Variants in TGM6 observed in about 807,000 individuals in gnomAD.
TGM6 encodes transglutaminase 6.
TGM6 carries 74 observed loss-of-function variants against 77.5 expected under a neutral mutation model. The observed-to-expected ratio is 0.96, with a 90% CI of 0.79 to 1.16. The LOEUF (loss-of-function observed/expected upper bound fraction) is 1.16. Ranked by LOEUF, TGM6 falls within the 50% of genes most tolerant of loss-of-function variation. The pLI, the probability that TGM6 is intolerant of heterozygous loss-of-function variation, is 0.00. For missense variants in TGM6, 968 were observed against 940.2 expected, an observed-to-expected ratio of 1.03 and a Z score of -0.39; for synonymous variants, 383 against 378.9, an observed-to-expected ratio of 1.01 and a Z score of -0.12.
chr20:2,403,706 G>T lies in TGM6; in HGVS notation c.1219G>T (p.Asp407Tyr). ...ADYITWLWHE[D>Y]ESRERVYSNT... ...CTACATCACCTGGCTGTGGCACGAG[G>T]ATGAGAGCCGGGAGCGTGTATACTC... The change falls in exon 9 of 13, where the codon GAT becomes TAT. Residue 407 changes from aspartate (D) to tyrosine (Y), a missense_variant. Asp to Tyr is a radical substitution (Grantham distance 160, BLOSUM62 -3). Transcript: ENST00000202625. The T allele has an allele frequency of 6.2e-7, 1 of 1,614,214 alleles. No individual in the cohort carries two copies. The highest frequency in any genetic ancestry group is 8.5e-7 in the Non-Finnish European group (1 of 1,180,044).
At chr20:2,414,926 A>C in intron 9 of TGM6, among the ~76,000 whole-genome samples, 1 of 108,870 alleles carries the variant, frequency 9.2e-6, no homozygotes, top group African/African-American at 4.3e-5. Flanking sequence ...CCTGATGGTT[A>C]CAGAATTTGG....
intron 9 of TGM6, among the ~76,000 whole-genome samples, chr20:2,414,846 A>G (rs1259960394): frequency 6.9e-6 from 1 of 145,104 alleles, no homozygotes; most frequent in Non-Finnish European, 1.5e-5. Context: ...TGTCCAGGAT[A>G]GGCAAATTAT....
chr20:2,392,000 T>C (rs543214841), intron 1 of TGM6, among the ~76,000 whole-genome samples: 3 of 152,362 alleles, frequency 2.0e-5, no homozygotes, highest in South Asian at 4.1e-4. Context: ...CTGTTGCTTA[T>C]AGTACTCTGG....
intron 9 of TGM6, among the ~76,000 whole-genome samples, chr20:2,415,002 C>T (rs1225122318): frequency 6.6e-6 from 1 of 151,086 alleles, no homozygotes; most frequent in African/African-American, 2.4e-5. Flanking sequence ...CTGTGAACTA[C>T]TAAGAAACAT....
chr20:2,385,950 A>G lies in TGM6; in HGVS notation c.7+4975A>G, dbSNP rs73606139. 3.9e-5 allele frequency among the ~76,000 whole-genome samples: 6 copies of G among 152,300 alleles called. No individual in the cohort carries two copies. In the East Asian group the frequency reaches 1.2e-3, roughly 29 times the overall value. ...AGGGAGAGACGTATGTAAGCAAACA[A>G]CTATAACACAGCATCCCTGATCACA... On this transcript the variant is annotated intron_variant, in intron 1 of 12. Coordinates refer to ENST00000202625, the MANE Select transcript of TGM6 (RefSeq NM_198994.3).
chr20:2,403,259 T>A (rs113456256), intron 7 of TGM6, 138 bp from the exon 8 acceptor site: 1 of 817,156 alleles, frequency 1.2e-6, no homozygotes, highest in East Asian at 2.7e-5. Context: ...TGCTCATTCA[T>A]GTGGTTGAAT....
In TGM6 at chr20:2,394,888, T is replaced by C. The variant is rs148600606; in HGVS notation, c.181+263T>C. On this transcript the variant is annotated intron_variant, in intron 2 of 12. Transcript: ENST00000202625. ...AGACACCCAGGGCTCTGGAAGGGTA[T>C]GAAAACCCGTCAAGCACTTTGAAGC... Among the ~76,000 whole-genome samples the C allele has an allele frequency of 2.7e-3, 415 of 152,274 alleles. 2 individuals are homozygous for C. Among genetic ancestry groups the C allele is most frequent in the African/African-American group, 9.5e-3 (393 of 41,570 alleles).
intron 1 of TGM6, among the ~76,000 whole-genome samples, chr20:2,384,809 C>T (rs1250568852): frequency 1.3e-5 from 2 of 152,172 alleles, no homozygotes; most frequent in African/African-American, 4.8e-5. Flanking sequence ...CTTGGGGTAA[C>T]AGGCAGGTGG....
chr20:2,419,664 T>G (rs1208368322), intron 10 of TGM6, among the ~76,000 whole-genome samples: 2 of 152,256 alleles, frequency 1.3e-5, no homozygotes, highest in Non-Finnish European at 2.9e-5. Flanking sequence ...AAATAGTCAT[T>G]AATGCCCTGC....
At chr20:2,392,568 G>A (rs1045723316) in intron 1 of TGM6, among the ~76,000 whole-genome samples, 10 of 152,112 alleles carry the variant, frequency 6.6e-5, no homozygotes, top group Non-Finnish European at 1.5e-4. Context: ...TCACAATCAC[G>A]CCACAGGCAT....
chr20:2,431,134 C>T, intron 12 of TGM6, 107 bp downstream of exon 12: 2 of 1,437,470 alleles, frequency 1.4e-6, no homozygotes, highest in African/African-American at 2.8e-5. Context: ...CTGGACACCC[C>T]AGGAACCAGC....
In TGM6 at chr20:2,394,455, T is replaced by A. The variant is rs1203468022; in HGVS notation, c.11T>A (p.Ile4Asn). Residue 4 changes from isoleucine to asparagine, a missense_variant, in exon 2 of 13, where the codon ATC (isoleucine) becomes AAC (asparagine). Coordinates refer to ENST00000202625, the MANE Select transcript of TGM6 (RefSeq NM_198994.3). Reference sequence around the variant, plus strand: ...TCCCTGTCCTCTCCCCACCCAGGGATCAGAGTCACCAAGGTGGACTGGCAG... The same window carrying A: ...TCCCTGTCCTCTCCCCACCCAGGGAACAGAGTCACCAAGGTGGACTGGCAG... Reference protein sequence around the residue: MAGIRVTKVDWQRS... With the variant: MAGNRVTKVDWQRS... 6.2e-7 allele frequency: 1 copy of A among 1,611,392 alleles called. No individual in the cohort carries two copies. Among genetic ancestry groups the A allele is most frequent in the Non-Finnish European group, 8.5e-7 (1 of 1,179,820 alleles).
intron 10 of TGM6, 83 bp from the exon 11 acceptor site, chr20:2,430,363 T>C: frequency 6.5e-7 from 1 of 1,539,204 alleles, no homozygotes; most frequent in Admixed American, 1.7e-5. Context: ...AAGGAGCTAT[T>C]AGTTGTGCAT....
intron 10 of TGM6, among the ~76,000 whole-genome samples, chr20:2,420,674 C>T (rs2084849881): frequency 6.6e-6 from 1 of 152,202 alleles, no homozygotes; most frequent in Admixed American, 6.5e-5. Flanking sequence ...CCCCCAGTGA[C>T]CACTGATCTT....
chr20:2,389,984 A>G (rs2084619874), intron 1 of TGM6, among the ~76,000 whole-genome samples: 1 of 152,246 alleles, frequency 6.6e-6, no homozygotes, highest in South Asian at 2.1e-4. Context: ...CTATTAAGAT[A>G]CTCAGACATA....
At chr20:2,396,720 G>A in intron 4 of TGM6, 96 bp downstream of exon 4, 1 of 1,136,466 alleles carries the variant, frequency 8.8e-7, no homozygotes, top group East Asian at 2.5e-5. Context: ...TCTCAGGAGG[G>A]ACAAGGGGGG....
At chr20:2,423,694 A>C (rs370659273) in intron 10 of TGM6, among the ~76,000 whole-genome samples, 1 of 152,188 alleles carries the variant, frequency 6.6e-6, no homozygotes, top group Non-Finnish European at 1.5e-5. Context: ...AATATACTTA[A>C]TGGTGTCTAG....
At chr20:2,431,954 T>C (rs2084926496) in intron 12 of TGM6, among the ~76,000 whole-genome samples, 1 of 152,194 alleles carries the variant, frequency 6.6e-6, no homozygotes, top group Non-Finnish European at 1.5e-5. Context: ...GGGGGGAAGT[T>C]CAGGGCACAG....
At chr20:2,425,826 C>A (rs1459286609) in intron 10 of TGM6, among the ~76,000 whole-genome samples, 1 of 152,106 alleles carries the variant, frequency 6.6e-6, no homozygotes, top group Non-Finnish European at 1.5e-5. Context: ...ATATCCATCA[C>A]CTTATACATT....
Sources: allele counts gnomAD v4.1 joint callset (sites outside exome capture counted in the v4.1 genomes callset), GRCh38; gene constraint gnomAD v4.1.1; transcripts MANE v1.5; gene names NCBI Gene and HGNC (gene_info 2026-07-23, HGNC 2026-07-21).